The following ITGA9 variants were observed in gnomAD, a reference collection of about 807,000 sequenced individuals.
The protein encoded by ITGA9 is integrin alpha-9.
A neutral mutation model predicts 127.8 loss-of-function variants in ITGA9; 56 were observed. The observed-to-expected ratio is 0.44, with a 90% CI of 0.35 to 0.55. The LOEUF (loss-of-function observed/expected upper bound fraction) is 0.55, where lower values mean the gene tolerates loss of function less well. Ranked by LOEUF, ITGA9 falls within the 20% of genes least tolerant of loss-of-function variation. ITGA9 has a pLI of 0.00. For synonymous variants in ITGA9, 508 were observed against 514.5 expected, an observed-to-expected ratio of 0.99 and a Z score of 0.17; for missense variants, 1,196 against 1,347.1, an observed-to-expected ratio of 0.89 and a Z score of 1.76.
In ITGA9 at chr3:37,689,305, AC is replaced by A. The variant is rs1410611319; in HGVS notation, c.2067+5291del. Among the ~76,000 whole-genome samples the A allele has an allele frequency of 2.6e-5, 4 of 152,368 alleles. No homozygotes were observed. The East Asian group carries it at 7.7e-4, about 29-fold the overall frequency. ...CTTTGAGGGAAGGCTGCTTATAAAA[AC>A]ATGGGGTACACATGGATGACCATCT... On this transcript the variant is annotated intron_variant, in intron 18 of 27. Coordinates refer to ENST00000264741, the MANE Select transcript of ITGA9 (RefSeq NM_002207.3).
At chr3:37,536,853 A>G (rs1699212551) in intron 14 of ITGA9, among the ~76,000 whole-genome samples, 1 of 152,246 alleles carries the variant, frequency 6.6e-6, no homozygotes, top group South Asian at 2.1e-4. Context: ...GGAATGGGTT[A>G]AACAGGTCAT....
intron 22 of ITGA9, chr3:37,748,178 G>A (rs1424203069): frequency 2.2e-6 from 1 of 463,450 alleles, no homozygotes; most frequent in Non-Finnish European, 4.2e-6. Flanking sequence ...AGAAAACATG[G>A]AGTTGTTTTT....
intron 15 of ITGA9, among the ~76,000 whole-genome samples, chr3:37,607,000 A>C (rs887522144): frequency 3.2e-5 from 4 of 125,772 alleles, no homozygotes; most frequent in African/African-American, 1.2e-4. Flanking sequence ...TTTTAAAGAG[A>C]TAGGGTTTTA....
At chr3:37,734,171 G>A (rs1696330800) in intron 19 of ITGA9, among the ~76,000 whole-genome samples, 1 of 152,312 alleles carries the variant, frequency 6.6e-6, no homozygotes, top group Non-Finnish European at 1.5e-5. Flanking sequence ...ATTCACCCCA[G>A]GAGGAGGGAA....
At chr3:37,467,934 C>A (rs553833584) in intron 1 of ITGA9, among the ~76,000 whole-genome samples, 1 of 152,148 alleles carries the variant, frequency 6.6e-6, no homozygotes, top group East Asian at 1.9e-4. Context: ...AAAGCTCAGC[C>A]GCTACAGCAA....
At chr3:37,695,308 G>A (rs9866555) in intron 18 of ITGA9, among the ~76,000 whole-genome samples, 39,420 of 152,126 alleles carry the variant, frequency 0.26, 7,903 homozygotes, top group African/African-American at 0.56. Flanking sequence ...CAGTGTGCAT[G>A]TAAAGGGAGT....
intron 16 of ITGA9, among the ~76,000 whole-genome samples, chr3:37,649,610 A>G (rs1051200015): frequency 1.3e-5 from 2 of 152,236 alleles, no homozygotes; most frequent in Admixed American, 1.3e-4. Flanking sequence ...TAGCACTATA[A>G]TAATAGGAGA....
intron 4 of ITGA9, 95 bp from the exon 5 acceptor site, chr3:37,494,406 C>A: frequency 1.1e-6 from 1 of 872,452 alleles, no homozygotes; most frequent in Non-Finnish European, 1.9e-6. Flanking sequence ...CCGCGGCACT[C>A]GTGGGAAGTG....
intron 16 of ITGA9, 58 bp from the exon 17 acceptor site, chr3:37,653,656 T>C (rs931686668): frequency 3.3e-6 from 4 of 1,216,966 alleles, no homozygotes; most frequent in Non-Finnish European, 4.9e-6. Flanking sequence ...AATTGGCCAC[T>C]GTGTACTCGT....
intron 8 of ITGA9, among the ~76,000 whole-genome samples, chr3:37,512,449 G>A (rs1249320910): frequency 6.6e-6 from 1 of 151,486 alleles, no homozygotes; most frequent in Non-Finnish European, 1.5e-5. Flanking sequence ...CGAACTCCTG[G>A]CCTTGTGATC....
chr3:37,790,246 T>C, intron 26 of ITGA9: 1 of 550,214 alleles, frequency 1.8e-6, no homozygotes, highest in Non-Finnish European at 3.6e-6. Context: ...AACATACACA[T>C]CTTTTAGAAA....
intron 24 of ITGA9, among the ~76,000 whole-genome samples, chr3:37,777,856 G>A (rs1217709336): frequency 6.6e-6 from 1 of 152,206 alleles, no homozygotes; most frequent in East Asian, 1.9e-4. Context: ...CAAAACGTGT[G>A]TATCCTATGA....
rs557009727 is a variant in ITGA9, at chr3:37,651,150, G to T, written c.1840-2564G>T. Reference sequence around the variant, plus strand: ...GTGCATATACACACACGCACTGTGTGTGTGTATATGTCAAACTCAGTGCTT... The same window carrying T: ...GTGCATATACACACACGCACTGTGTTTGTGTATATGTCAAACTCAGTGCTT... On this transcript the variant is annotated intron_variant, in intron 16 of 27. Coordinates refer to ENST00000264741, the MANE Select transcript of ITGA9 (RefSeq NM_002207.3). 2.0e-5 allele frequency among the ~76,000 whole-genome samples: 3 copies of T among 152,260 alleles called. No homozygotes were observed. In the South Asian group the frequency reaches 6.2e-4, roughly 32 times the overall value.
intron 4 of ITGA9, among the ~76,000 whole-genome samples, chr3:37,486,941 G>A (rs531797779): frequency 6.6e-6 from 1 of 152,290 alleles, no homozygotes; most frequent in African/African-American, 2.4e-5. Context: ...CTAGGACAGT[G>A]ATCATTTCCA....
chr3:37,476,168 T>C (rs1185990664), intron 3 of ITGA9, among the ~76,000 whole-genome samples: 1 of 152,238 alleles, frequency 6.6e-6, no homozygotes, highest in Non-Finnish European at 1.5e-5. Flanking sequence ...CAATATCTCT[T>C]TGAGATCTTG....
At chr3:37,560,045 G>A (rs1050032837) in intron 15 of ITGA9, among the ~76,000 whole-genome samples, 2 of 152,184 alleles carry the variant, frequency 1.3e-5, no homozygotes, top group African/African-American at 4.8e-5. Context: ...TTGGCTTGCT[G>A]CAGCCATCAA....
chr3:37,767,148 C>T (rs1311497631), intron 23 of ITGA9, among the ~76,000 whole-genome samples: 1 of 152,186 alleles, frequency 6.6e-6, no homozygotes, highest in Admixed American at 6.5e-5. Context: ...AACCCTAAAG[C>T]TGATGGAAAT....
intron 21 of ITGA9, among the ~76,000 whole-genome samples, chr3:37,742,457 C>CT (rs1263189530): frequency 6.6e-6 from 1 of 152,238 alleles, no homozygotes; most frequent in African/African-American, 2.4e-5. Flanking sequence ...GGGCTGCAGT[C>CT]TGTGGAGACC....
At chr3:37,764,466 T>TAAAAAAAA (rs10694316) in intron 23 of ITGA9, among the ~76,000 whole-genome samples, 2 of 74,662 alleles carry the variant, frequency 2.7e-5, no homozygotes, top group African/African-American at 5.3e-5. Context: ...AGATTCTCAG[T>TAAAAAAAA]AAAAAAAAAA....
Sources: gnomAD v4.1 joint callset for allele counts (sites outside exome capture counted in the v4.1 genomes callset) on GRCh38, gnomAD v4.1.1 for gene constraint, MANE v1.5 for transcripts, NCBI Gene and HGNC (gene_info 2026-07-23, HGNC 2026-07-21) for gene names.